Variants in FAM171A1 observed in about 807,000 individuals in gnomAD.
The protein encoded by FAM171A1 is protein FAM171A1.
FAM171A1 carries 23 observed loss-of-function variants against 74.9 expected under a neutral mutation model. The ratio of observed to expected loss-of-function variants is 0.31; its 90% confidence interval spans 0.22 to 0.44. FAM171A1 has a LOEUF of 0.44. Ranked by LOEUF, FAM171A1 falls within the 20% of genes least tolerant of loss-of-function variation. The pLI, the probability that FAM171A1 is intolerant of heterozygous loss-of-function variation, is 1.00. For synonymous variants in FAM171A1, 527 were observed against 505.7 expected (o/e 1.04, Z -0.57); for missense variants, 1,162 against 1,159.2 (o/e 1.00, Z -0.03).
intron 2 of FAM171A1, among the ~76,000 whole-genome samples, chr10:15,280,267 C>T (rs1013577865): frequency 6.6e-6 from 1 of 152,128 alleles, no homozygotes; most frequent in African/African-American, 2.4e-5. Context: ...CATCCTGAGG[C>T]CACTGAAGAA....
intron 3 of FAM171A1, 82 bp downstream of exon 3, chr10:15,275,773 C>A (rs994272234): frequency 1.1e-6 from 1 of 895,902 alleles, no homozygotes; most frequent in African/African-American, 1.7e-5. Context: ...ACAAACATCA[C>A]ATCACATTGT....
At chr10:15,285,956 C>T (rs879227212) in intron 1 of FAM171A1, among the ~76,000 whole-genome samples, 1 of 152,202 alleles carries the variant, frequency 6.6e-6, no homozygotes, top group East Asian at 1.9e-4. Flanking sequence ...ACTGGAGGTT[C>T]GAATCTCAGC....
In FAM171A1 at chr10:15,220,783, G is replaced by A. The variant is rs374368110; in HGVS notation, c.871+161C>T. Among the ~76,000 whole-genome samples, 13 of 151,916 alleles carry A rather than the reference G, an allele frequency of 8.6e-5. No individual in the cohort carries two copies. In the East Asian group the frequency reaches 9.7e-4, roughly 11 times the overall value. ...TTCCAACCAGAAGTCCCCCACCCCC[G>A]CAAAATACCTTCTTTACATCATCTC... On this transcript the variant is annotated intron_variant, in intron 6 of 7. Coordinates refer to ENST00000378116, the MANE Select transcript of FAM171A1 (RefSeq NM_001010924.2).
chr10:15,370,937 C>A lies in FAM171A1; in HGVS notation c.97+19G>T. The A allele has an allele frequency of 8.9e-7, 1 of 1,129,548 alleles. No homozygotes were observed. The highest frequency in any genetic ancestry group is 1.8e-5 in the South Asian group (1 of 56,548). 70.0% of individuals were successfully genotyped at this position (1,129,548 alleles called of 1,614,324 possible). ...CCCGGCGCGACACAAAGCCCCCGGCCCCGCCGCCGCCCACTGACCTTGGGC... is the reference window on the plus strand; with the variant it reads ...CCCGGCGCGACACAAAGCCCCCGGCACCGCCGCCGCCCACTGACCTTGGGC... On this transcript the variant is annotated intron_variant, in intron 1 of 7. Transcript: ENST00000378116.
At chr10:15,252,201 T>G (rs1005875814) in intron 4 of FAM171A1, among the ~76,000 whole-genome samples, 1 of 151,996 alleles carries the variant, frequency 6.6e-6, no homozygotes, top group South Asian at 2.1e-4. Context: ...TGCTCTCCGG[T>G]GAGAGGAGGG....
In FAM171A1 at chr10:15,214,009, C is replaced by G; in HGVS notation, c.1579G>C (p.Glu527Gln). 1 of 1,614,162 alleles carries G rather than the reference C, an allele frequency of 6.2e-7. No individual in the cohort carries two copies. The highest frequency in any genetic ancestry group is 8.5e-7 in the Non-Finnish European group (1 of 1,180,038). The change falls in exon 8 of 8, where the codon GAG (glutamate) becomes CAG (glutamine). Residue 527 changes from glutamate to glutamine, a missense_variant. Physicochemically the swap from Glu to Gln is conservative, Grantham distance 29. Coordinates refer to ENST00000378116, the MANE Select transcript of FAM171A1 (RefSeq NM_001010924.2). ...EHLYPAPSSP[E>Q]KEQLLDRRPT... ...CTGCGGTCCAGCAGCTGTTCTTTCTCAGGTGATGAAGGCGCGGGGTACAGA... is the reference window on the plus strand; with the variant it reads ...CTGCGGTCCAGCAGCTGTTCTTTCTGAGGTGATGAAGGCGCGGGGTACAGA...
chr10:15,214,704 GACAAA>G lies in FAM171A1; in HGVS notation c.987-108_987-104del, dbSNP rs780379664. 877 of 1,428,766 alleles carry G rather than the reference GACAAA, an allele frequency of 6.1e-4. 2 individuals are homozygous for G. Among genetic ancestry groups the G allele is most frequent in the Non-Finnish European group, 7.1e-4 (778 of 1,089,740 alleles). 88.5% of individuals were successfully genotyped at this position (1,428,766 alleles called of 1,614,324 possible). A position where few individuals can be genotyped will look rare whatever the true frequency, so the allele number is the denominator to read the frequency against. On this transcript the variant is annotated intron_variant, in intron 7 of 7. Transcript: ENST00000378116. Reference sequence around the variant, plus strand: ...CTAATTCTCAATTTCCATGGGGAGAGACAAAACAAAACAAGTCAGGAGCAGCCAAA... The same window carrying G: ...CTAATTCTCAATTTCCATGGGGAGAGACAAAACAAGTCAGGAGCAGCCAAA...
At chr10:15,332,200 C>A (rs1283954798) in intron 1 of FAM171A1, among the ~76,000 whole-genome samples, 8 of 151,938 alleles carry the variant, frequency 5.3e-5, no homozygotes, top group African/African-American at 1.9e-4. Context: ...AGACAATCTG[C>A]CTGCCTCTGC....
chr10:15,369,699 C>A (rs941777062), intron 1 of FAM171A1, among the ~76,000 whole-genome samples: 1 of 152,206 alleles, frequency 6.6e-6, no homozygotes, highest in Non-Finnish European at 1.5e-5. Flanking sequence ...CTTTCCTCCC[C>A]GTAGCAACAT....
intron 3 of FAM171A1, among the ~76,000 whole-genome samples, chr10:15,257,746 T>C (rs79186221): frequency 0.014 from 2,165 of 152,232 alleles, 59 homozygotes; most frequent in African/African-American, 0.048. Context: ...GCAACACCTA[T>C]GGTGATGAAA....
intron 6 of FAM171A1, among the ~76,000 whole-genome samples, chr10:15,220,112 G>C (rs1834018612): frequency 6.6e-6 from 1 of 152,122 alleles, no homozygotes; most frequent in Non-Finnish European, 1.5e-5. Context: ...TTTAATCACA[G>C]CACATTTCGA....
chr10:15,270,324 T>G (rs1209210023), intron 3 of FAM171A1, among the ~76,000 whole-genome samples: 4 of 152,154 alleles, frequency 2.6e-5, no homozygotes, highest in Non-Finnish European at 5.9e-5. Context: ...GTAGCAAGGC[T>G]GGGGGAGGAG....
intron 1 of FAM171A1, among the ~76,000 whole-genome samples, chr10:15,324,511 T>C (rs908337076): frequency 1.3e-5 from 2 of 152,124 alleles, no homozygotes; most frequent in Non-Finnish European, 1.5e-5. Flanking sequence ...CTTTAGACTA[T>C]ACTAAAGTAT....
chr10:15,250,305 C>G (rs1015396014), intron 4 of FAM171A1, among the ~76,000 whole-genome samples: 2 of 152,162 alleles, frequency 1.3e-5, no homozygotes, highest in Non-Finnish European at 2.9e-5. Context: ...AAAAAAACAA[C>G]CAACCAACAA....
In FAM171A1 at chr10:15,248,745, C is replaced by A. The variant is rs768461259; in HGVS notation, c.648G>T (p.Thr216=). Residue 216 remains threonine, a synonymous_variant, in exon 5 of 8, where the codon ACG becomes ACT. Transcript: ENST00000378116. The part of the protein sequence containing the change: ...VSVHLLSSNG[T]PVLVDGPIYV... Reference sequence around the variant, plus strand: ...AGATGGGACCATCCACCAGCACCGGCGTTCCATTACTGCTCAGCAAGTGGA... The same window carrying A: ...AGATGGGACCATCCACCAGCACCGGAGTTCCATTACTGCTCAGCAAGTGGA... 6.2e-7 allele frequency: 1 copy of A among 1,613,716 alleles called. No individual in the cohort carries two copies. The highest frequency in any genetic ancestry group is 1.1e-5 in the South Asian group (1 of 90,944).
chr10:15,222,513 A>G (rs1391406551), intron 5 of FAM171A1, among the ~76,000 whole-genome samples: 2 of 152,220 alleles, frequency 1.3e-5, no homozygotes, highest in African/African-American at 4.8e-5. Context: ...ACAGAATTAT[A>G]GTCTTATGGG....
chr10:15,310,292 C>A (rs1303493078), intron 1 of FAM171A1, among the ~76,000 whole-genome samples: 8 of 152,116 alleles, frequency 5.3e-5, no homozygotes, highest in African/African-American at 1.9e-4. Flanking sequence ...AATCATCACA[C>A]GGTTTCTCTT....
chr10:15,312,729 C>CTTTTTTTTTT (rs1835378817), intron 1 of FAM171A1, among the ~76,000 whole-genome samples: 8 of 50,806 alleles, frequency 1.6e-4, no homozygotes, highest in African/African-American at 1.6e-4. Context: ...CGATATTTTG[C>CTTTTTTTTTT]TCTTGTTGCC....
chr10:15,359,926 CTGTTTGTT>C (rs111447117), intron 1 of FAM171A1, among the ~76,000 whole-genome samples: 9 of 152,004 alleles, frequency 5.9e-5, no homozygotes, highest in Non-Finnish European at 8.8e-5. Flanking sequence ...CATGGCCCAG[CTGTTTGTT>C]TGTTTGTTTG....
Sources: gnomAD v4.1 joint callset for allele counts (sites outside exome capture counted in the v4.1 genomes callset) on GRCh38, gnomAD v4.1.1 for gene constraint, MANE v1.5 for transcripts, NCBI Gene and HGNC (gene_info 2026-07-23, HGNC 2026-07-21) for gene names.